CLXN: variants seen among roughly 807,000 people sequenced by gnomAD.
The protein encoded by CLXN is calaxin.
the CLXN span, among the ~76,000 whole-genome samples, chr8:48,720,131 C>T: frequency 6.6e-6 from 1 of 152,184 alleles, no homozygotes; most frequent in Non-Finnish European, 1.5e-5. Flanking sequence ...CTCAGGACCA[C>T]TGTGATAATT....
At chr8:48,714,213 C>A in the CLXN span, among the ~76,000 whole-genome samples, 1 of 152,172 alleles carries the variant, frequency 6.6e-6, no homozygotes, top group Admixed American at 6.5e-5. Flanking sequence ...GACAGCTCTT[C>A]CTTTAAGCTA....
the CLXN span, chr8:48,711,416 CAG>C: frequency 2.0e-5 from 3 of 152,356 alleles, no homozygotes; most frequent in African/African-American, 7.2e-5. Context: ...TTGGTGCCAA[CAG>C]AGTTTTCCAG....
the CLXN span, chr8:48,730,781 A>G: frequency 2.1e-6 from 1 of 474,912 alleles, no homozygotes; most frequent in South Asian, 4.9e-5. Flanking sequence ...TTGACGAAAG[A>G]GGAAACTAAG....
the CLXN span, chr8:48,731,338 T>C: frequency 2.5e-6 from 4 of 1,589,508 alleles, no homozygotes; most frequent in Admixed American, 3.6e-5. Context: ...GAATCTTGTG[T>C]GTCTCTTACC....
the CLXN span, among the ~76,000 whole-genome samples, chr8:48,718,036 T>C: frequency 2.0e-5 from 3 of 152,126 alleles, no homozygotes; most frequent in Non-Finnish European, 2.9e-5. Flanking sequence ...CCAAAAGGCA[T>C]AGAGTGGTTG....
At chr8:48,731,746 T>C in the CLXN span, among the ~76,000 whole-genome samples, 2 of 152,098 alleles carry the variant, frequency 1.3e-5, no homozygotes, top group African/African-American at 4.8e-5. Flanking sequence ...GCCAAGTTAC[T>C]AGAATAATGA....
chr8:48,727,292 C>CA, the CLXN span, among the ~76,000 whole-genome samples: 1 of 151,966 alleles, frequency 6.6e-6, no homozygotes, highest in African/African-American at 2.4e-5. Context: ...GTGCTACACA[C>CA]AGGGTATGGG....
At chr8:48,715,190 A>G in the CLXN span, 1 of 152,236 alleles carries the variant, frequency 6.6e-6, no homozygotes, top group African/African-American at 2.4e-5. Context: ...AAATTTCCTA[A>G]ATATCTGAAA....
At chr8:48,721,509 G>T in the CLXN span, among the ~76,000 whole-genome samples, 2 of 152,128 alleles carry the variant, frequency 1.3e-5, no homozygotes, top group African/African-American at 4.8e-5. Flanking sequence ...AAGCAATCCT[G>T]AGCAAGAGGA....
At chr8:48,718,900 GA>G in the CLXN span, among the ~76,000 whole-genome samples, 1 of 151,740 alleles carries the variant, frequency 6.6e-6, no homozygotes, top group Non-Finnish European at 1.5e-5. Context: ...AAAACCAGAA[GA>G]AAAGAACAAA....
the CLXN span, among the ~76,000 whole-genome samples, chr8:48,722,971 G>C: frequency 6.6e-6 from 1 of 152,156 alleles, no homozygotes; most frequent in African/African-American, 2.4e-5. Flanking sequence ...GAGTAGAATG[G>C]TGGTTTCCAA....
At chr8:48,729,327 C>A in the CLXN span, among the ~76,000 whole-genome samples, 6 of 151,708 alleles carry the variant, frequency 4.0e-5, no homozygotes, top group Non-Finnish European at 7.4e-5. Flanking sequence ...AAGTTTGAGA[C>A]CATACTGGGC....
the CLXN span, chr8:48,735,065 G>A: frequency 2.9e-5 from 47 of 1,613,616 alleles, no homozygotes; most frequent in South Asian, 5.1e-4. Context: ...CAGGAGCCTC[G>A]GCCTGTCCAG....
At chr8:48,724,966 CA>C in the CLXN span, among the ~76,000 whole-genome samples, 1 of 152,182 alleles carries the variant, frequency 6.6e-6, no homozygotes, top group East Asian at 1.9e-4. Context: ...TGACTACACT[CA>C]AAACACAGTG....
At chr8:48,714,597 A>G in the CLXN span, among the ~76,000 whole-genome samples, 19 of 152,336 alleles carry the variant, frequency 1.2e-4, no homozygotes, top group South Asian at 1.0e-3. Context: ...ACAGATGTCT[A>G]AGAATAGTAC....
the CLXN span, chr8:48,729,756 T>A: frequency 1.2e-6 from 2 of 1,612,580 alleles, no homozygotes; most frequent in East Asian, 2.2e-5. Flanking sequence ...AATCTTTAAT[T>A]CCTTCATCAG....
the CLXN span, among the ~76,000 whole-genome samples, chr8:48,733,781 T>G: frequency 3.3e-5 from 5 of 152,198 alleles, no homozygotes; most frequent in Admixed American, 6.5e-5. Context: ...ACAGAATGAT[T>G]GTCTGCAATG....
At chr8:48,727,724 G>A in the CLXN span, among the ~76,000 whole-genome samples, 1 of 152,188 alleles carries the variant, frequency 6.6e-6, no homozygotes, top group South Asian at 2.1e-4. Context: ...GGCAGCATTT[G>A]CATTTTAAAC....
the CLXN span, chr8:48,729,258 C>T: frequency 1.2e-6 from 1 of 856,578 alleles, no homozygotes. Flanking sequence ...GGGATGGTGG[C>T]TCAGGCCTGT....
Sources: gnomAD v4.1 joint callset for allele counts (sites outside exome capture counted in the v4.1 genomes callset) on GRCh38, gnomAD v4.1.1 for gene constraint, MANE v1.5 for transcripts, NCBI Gene and HGNC (gene_info 2026-07-23, HGNC 2026-07-21) for gene names.